Variants in TSN observed in about 807,000 individuals in gnomAD.
TSN encodes the protein component 3 of promoter of RISC.
Under a neutral mutation model 29.4 loss-of-function variants are expected in TSN, and 5 were observed. That is an observed-to-expected ratio of 0.17 (90% CI 0.09 to 0.36). TSN has a LOEUF of 0.36. Among genes scored for constraint, TSN ranks in the 10% least tolerant of loss-of-function variants. The pLI, the probability that TSN is intolerant of heterozygous loss-of-function variation, is 1.00. For synonymous variants in TSN, 106 were observed against 102.2 expected, an observed-to-expected ratio of 1.04 and a Z score of -0.23; for missense variants, 159 against 272.8, an observed-to-expected ratio of 0.58 and a Z score of 2.94.
rs1041376855 is a variant in TSN at position 121,765,003 on chromosome 2, T to C, written c.454-131T>C. Reference sequence around the variant, plus strand: ...GAGAAGCTCCTGTCTTGTCTGTACTTGTGTGTACCCTGAGATAGAAGATCA... The same window carrying C: ...GAGAAGCTCCTGTCTTGTCTGTACTCGTGTGTACCCTGAGATAGAAGATCA... On this transcript the variant is annotated intron_variant, in intron 5 of 5. Coordinates refer to ENST00000389682, the MANE Select transcript of TSN (RefSeq NM_004622.3). The C allele has an allele frequency of 2.3e-5, 18 of 792,816 alleles. No individual in the cohort carries two copies. In the Admixed American group the frequency reaches 3.8e-4, roughly 17 times the overall value. 49.1% of individuals were successfully genotyped at this position (792,816 alleles called of 1,614,324 possible).
intron 2 of TSN, among the ~76,000 whole-genome samples, chr2:121,757,839 T>C (rs937526660): frequency 6.6e-6 from 1 of 151,264 alleles, no homozygotes; most frequent in Non-Finnish European, 1.5e-5. Flanking sequence ...TTTTTTTTGG[T>C]ATTTTTATTA....
At chr2:121,757,576 C>T (rs1266275699) in intron 2 of TSN, 1 of 659,350 alleles carries the variant, frequency 1.5e-6, no homozygotes, top group East Asian at 3.3e-5. Flanking sequence ...AACCCATTTC[C>T]TGTTTAGAAA....
At chr2:121,759,704 A>G (rs980766832) in intron 3 of TSN, among the ~76,000 whole-genome samples, 5 of 152,110 alleles carry the variant, frequency 3.3e-5, no homozygotes, top group African/African-American at 1.2e-4. Context: ...AAAAGTTTCT[A>G]CTTATTTTAA....
intron 1 of TSN, chr2:121,756,626 G>A (rs1424741589): frequency 7.7e-7 from 1 of 1,297,830 alleles, no homozygotes; most frequent in Non-Finnish European, 1.0e-6. Context: ...AATTAGAGGC[G>A]GGGAGCGGCG....
intron 5 of TSN, 98 bp downstream of exon 5, chr2:121,763,182 G>A (rs553390696): frequency 3.4e-4 from 302 of 880,940 alleles, no homozygotes; most frequent in Non-Finnish European, 4.4e-4. Flanking sequence ...CCGCTCTGTC[G>A]CCTAGGCTGG....
Position 121,767,195 on chromosome 2 carries a change from T to C in TSN, c.*1828T>C, listed in dbSNP as rs919873344. 1 of 152,222 alleles carries C rather than the reference T, an allele frequency of 6.6e-6. No individual in the cohort carries two copies. Among genetic ancestry groups the C allele is most frequent in the South Asian group, 2.1e-4 (1 of 4,838 alleles). The allele number at this position is 152,222 out of a possible 1,614,324, so 9.4% of individuals were successfully genotyped here. ...GGAGAAGCACACTCTGGTCTTGGAA[T>C]TCCATTTGAGGATTTAGAAGTGTCA... On this transcript the variant is annotated 3_prime_UTR_variant, in exon 6 of 6. Coordinates refer to ENST00000389682, the MANE Select transcript of TSN (RefSeq NM_004622.3).
At chr2:121,759,247 C>T (rs768722016) in intron 3 of TSN, among the ~76,000 whole-genome samples, 1 of 152,086 alleles carries the variant, frequency 6.6e-6, no homozygotes. Flanking sequence ...TTAAAATCAA[C>T]ACTGTTGATT....
intron 3 of TSN, among the ~76,000 whole-genome samples, chr2:121,759,413 G>A (rs2074790327): frequency 6.6e-6 from 1 of 152,090 alleles, no homozygotes; most frequent in Non-Finnish European, 1.5e-5. Flanking sequence ...GTTTGAGACA[G>A]CCTGGCTAGC....
Position 121,765,342 on chromosome 2 carries a change from C to T in TSN, c.662C>T (p.Thr221Met), listed in dbSNP as rs189627724. Residue 221 changes from threonine to methionine, a missense_variant, in exon 6 of 6, where the codon ACG (threonine) becomes ATG (methionine). Transcript: ENST00000389682. Reference protein sequence around the residue: ...DLSIRGFNKETAAACVEK With the variant: ...DLSIRGFNKEMAAACVEK ...TCCATCCGGGGCTTTAATAAGGAGACGGCAGCAGCTTGTGTTGAAAAATAG... is the reference window on the plus strand; with the variant it reads ...TCCATCCGGGGCTTTAATAAGGAGATGGCAGCAGCTTGTGTTGAAAAATAG... The T allele has an allele frequency of 2.2e-5, 36 of 1,614,156 alleles. No homozygotes were observed. The East Asian group carries it at 2.5e-4, about 11-fold the overall frequency.
At chr2:121,762,513 A>G (rs532129878) in intron 4 of TSN, among the ~76,000 whole-genome samples, 50 of 152,238 alleles carry the variant, frequency 3.3e-4, no homozygotes, top group Non-Finnish European at 6.0e-4. Flanking sequence ...TAACAATGGC[A>G]AACACATTTG....
chr2:121,756,426 C>T (rs1265914039), intron 1 of TSN: 1 of 251,398 alleles, frequency 4.0e-6, no homozygotes, highest in Non-Finnish European at 8.7e-6. Flanking sequence ...ACAGTCTAAG[C>T]GATCTATTTC....
rs536070928 is a variant in TSN at position 121,759,925 on chromosome 2, G to GT, written c.257+1120dup. On this transcript the variant is annotated intron_variant, in intron 3 of 5. Coordinates refer to ENST00000389682, the MANE Select transcript of TSN (RefSeq NM_004622.3). Reference sequence around the variant, plus strand: ...AAAAGAAAATCCCAGATAAGAATATGTAACAGTGAAAGCGTCCCACAAAGC... The same window carrying GT: ...AAAAGAAAATCCCAGATAAGAATATGTTAACAGTGAAAGCGTCCCACAAAGC... Among the ~76,000 whole-genome samples the GT allele has an allele frequency of 1.3e-3, 204 of 152,302 alleles. 1 individual carries two copies. Among genetic ancestry groups the GT allele is most frequent in the African/African-American group, 4.8e-3 (198 of 41,568 alleles).
At chr2:121,759,118 T>C (rs1038133487) in intron 3 of TSN, among the ~76,000 whole-genome samples, 7 of 152,240 alleles carry the variant, frequency 4.6e-5, no homozygotes, top group East Asian at 1.9e-4. Flanking sequence ...GGATGAACTA[T>C]AGTTAGTGAA....
chr2:121,757,293 T>C lies in TSN; in HGVS notation c.120T>C (p.Thr40=). ...SLEQTAREIL[T]LLQGVHQGAG... is the part of the protein sequence containing the mutation. ...AACAAACAGCTCGAGAGATTTTAAC[T>C]CTACTGCAAGGGGTCCATCAGGGTG... Residue 40 remains threonine (T), a synonymous_variant, in exon 2 of 6, where the codon ACT becomes ACC. Coordinates refer to ENST00000389682, the MANE Select transcript of TSN (RefSeq NM_004622.3). 6.2e-7 allele frequency: 1 copy of C among 1,614,180 alleles called. No individual in the cohort carries two copies. The highest frequency in any genetic ancestry group is 8.5e-7 in the Non-Finnish European group (1 of 1,180,016).
Position 121,765,139 on chromosome 2 carries a change from G to T in TSN, c.459G>T (p.Arg153Ser). 1 of 1,614,088 alleles carries T rather than the reference G, an allele frequency of 6.2e-7. No homozygotes were observed. The highest frequency in any genetic ancestry group is 2.2e-5 in the East Asian group (1 of 44,878). ...TTTTCTCTTTCCTGGTACAGTCGAG[G>T]CTGTCTGTCAACAGCGTGACTGCTG... ...GVLILASELS[R>S]LSVNSVTAGD... is the part of the protein sequence containing the mutation. Residue 153 changes from arginine (R) to serine (S), a missense_variant, in exon 6 of 6, where the codon AGG (arginine) becomes AGT (serine). Transcript: ENST00000389682.
At chr2:121,755,903 G>C (rs988413947) in intron 1 of TSN, 58 bp downstream of exon 1, 8 of 1,609,480 alleles carry the variant, frequency 5.0e-6, no homozygotes, top group Admixed American at 3.3e-5. Context: ...GGGCCACTTC[G>C]CCCGGCCCTC....
chr2:121,765,195 C>T lies in TSN; in HGVS notation c.515C>T (p.Thr172Ile). 3.1e-6 allele frequency: 5 copies of T among 1,614,254 alleles called. No individual in the cohort carries two copies. Among genetic ancestry groups the T allele is most frequent in the Non-Finnish European group, 4.2e-6 (5 of 1,180,050 alleles). The change falls in exon 6 of 6, where the codon ACC becomes ATC. Residue 172 changes from threonine (T) to isoleucine (I), a missense_variant. Physicochemically the swap from Thr to Ile is moderately conservative, Grantham distance 89. Around this residue, in one of 3 missense-constraint regions of TSN, gnomAD observed 85 missense variants for 178.1 expected, o/e 0.48. Coordinates refer to ENST00000389682, the MANE Select transcript of TSN (RefSeq NM_004622.3). ...TACTCCCGACCCCTCCACATCTCCA[C>T]CTTCATCAATGAGCTGGATTCCGGT... The part of the protein sequence containing the change: ...GDYSRPLHIS[T>I]FINELDSGFR...
In TSN at chr2:121,763,381, G is replaced by A. The variant is rs559190898; in HGVS notation, c.453+297G>A. Among the ~76,000 whole-genome samples, 226 of 152,180 alleles carry A rather than the reference G, an allele frequency of 1.5e-3. 1 individual carries two copies. Among genetic ancestry groups the A allele is most frequent in the African/African-American group, 5.3e-3 (219 of 41,526 alleles). On this transcript the variant is annotated intron_variant, in intron 5 of 5. Coordinates refer to ENST00000389682, the MANE Select transcript of TSN (RefSeq NM_004622.3). ...AGGATGGTCTCGATCTCCTGACCTCGTGATCCGCCCACCTTGGCCTCCCAG... is the reference window on the plus strand; with the variant it reads ...AGGATGGTCTCGATCTCCTGACCTCATGATCCGCCCACCTTGGCCTCCCAG...
In TSN at chr2:121,755,686, C is replaced by A; in HGVS notation, c.-94C>A. The A allele has an allele frequency of 1.3e-6, 2 of 1,520,126 alleles. No individual in the cohort carries two copies. The highest frequency in any genetic ancestry group is 1.8e-6 in the Non-Finnish European group (2 of 1,111,622). 94.2% of individuals were successfully genotyped at this position (1,520,126 alleles called of 1,614,324 possible). A position where few individuals can be genotyped will look rare whatever the true frequency, so the allele number is the denominator to read the frequency against. On this transcript the variant is annotated 5_prime_UTR_variant, in exon 1 of 6. Coordinates refer to ENST00000389682, the MANE Select transcript of TSN (RefSeq NM_004622.3). ...TAAGACCGGGGGGACGCGGCGGTAG[C>A]GGCGGCCGTTGCGATTGATTGCGCT...
Sources: gnomAD v4.1 joint callset for allele counts (sites outside exome capture counted in the v4.1 genomes callset) on GRCh38, gnomAD v4.1.1 for gene constraint, gnomAD v4.1.1 regional missense constraint, MANE v1.5 for transcripts, NCBI Gene and HGNC (gene_info 2026-07-23, HGNC 2026-07-21) for gene names.